Variants in MAGI3 observed in about 807,000 individuals in gnomAD.
MAGI3 encodes membrane-associated guanylate kinase, WW and PDZ domain-containing protein 3.
MAGI3 carries 43 observed loss-of-function variants against 121.8 expected under a neutral mutation model. That is an observed-to-expected ratio of 0.35 (90% CI 0.28 to 0.46). The LOEUF (loss-of-function observed/expected upper bound fraction) is 0.46, where lower values mean the gene tolerates loss of function less well. Among genes scored for constraint, MAGI3 ranks in the 20% least tolerant of loss-of-function variants. MAGI3 has a pLI of 1.00. For synonymous variants in MAGI3, 553 were observed against 639.3 expected (o/e 0.86, Z 2.04); for missense variants, 1,547 against 1,797.3 (o/e 0.86, Z 2.52).
chr1:113,493,966 T>C (rs1276176273), intron 1 of MAGI3, among the ~76,000 whole-genome samples: 2 of 152,202 alleles, frequency 1.3e-5, no homozygotes, highest in Non-Finnish European at 2.9e-5. Flanking sequence ...GATGTGGCAA[T>C]TCCTCAGAGA....
chr1:113,503,219 TAAAAAAAAAAA>T (rs869272201), intron 1 of MAGI3, among the ~76,000 whole-genome samples: 1 of 8,996 alleles, frequency 1.1e-4, no homozygotes, highest in Non-Finnish European at 1.6e-4. Context: ...AGAGTATAAT[TAAAAAAAAAAA>T]AAAAAAAAAA....
At chr1:113,623,644 C>T (rs889475675) in intron 9 of MAGI3, among the ~76,000 whole-genome samples, 2 of 151,946 alleles carry the variant, frequency 1.3e-5, no homozygotes, top group Non-Finnish European at 2.9e-5. Flanking sequence ...CCCGCCACCA[C>T]GCCTGGCTAA....
chr1:113,404,985 GTTTA>G (rs1034081013), intron 1 of MAGI3, among the ~76,000 whole-genome samples: 12 of 151,966 alleles, frequency 7.9e-5, no homozygotes, highest in Admixed American at 7.9e-4. Context: ...TTTTAATTTT[GTTTA>G]TTTATTTATG....
intron 1 of MAGI3, among the ~76,000 whole-genome samples, chr1:113,429,692 G>A (rs146369881): frequency 2.6e-5 from 4 of 152,322 alleles, no homozygotes; most frequent in East Asian, 3.9e-4. Flanking sequence ...GACTGGGCCC[G>A]TGACCAGTTT....
intron 1 of MAGI3, among the ~76,000 whole-genome samples, chr1:113,489,888 T>C (rs1214837298): frequency 6.6e-6 from 1 of 152,080 alleles, no homozygotes; most frequent in Non-Finnish European, 1.5e-5. Context: ...TATGGAATTA[T>C]GTAAAGAGAC....
intron 1 of MAGI3, among the ~76,000 whole-genome samples, chr1:113,423,795 G>A (rs940101567): frequency 2.0e-5 from 3 of 151,816 alleles, no homozygotes; most frequent in Non-Finnish European, 2.9e-5. Context: ...TCCCTTTCCC[G>A]CCTGGGAATC....
At chr1:113,503,647 C>A (rs1385449145) in intron 1 of MAGI3, among the ~76,000 whole-genome samples, 1 of 151,964 alleles carries the variant, frequency 6.6e-6, no homozygotes, top group Non-Finnish European at 1.5e-5. Flanking sequence ...TACTTGGCAT[C>A]AAGTTGATAT....
rs1653218503 is a variant in MAGI3 at position 113,429,964 on chromosome 1, CAG to C, written c.316+38616_316+38617del. Reference sequence around the variant, plus strand: ...CCTAACTAAACAACTGGTTCTGAAACAGTGGCCTTAGTGTTTCAGAAACACTA... The same window carrying C: ...CCTAACTAAACAACTGGTTCTGAAACTGGCCTTAGTGTTTCAGAAACACTA... On this transcript the variant is annotated intron_variant, in intron 1 of 20. Transcript: ENST00000307546. Among the ~76,000 whole-genome samples the C allele has an allele frequency of 7.9e-5, 12 of 152,210 alleles. No individual in the cohort carries two copies. The South Asian group carries it at 2.5e-3, about 32-fold the overall frequency.
chr1:113,426,433 A>C (rs1240179148), intron 1 of MAGI3, among the ~76,000 whole-genome samples: 3 of 152,286 alleles, frequency 2.0e-5, no homozygotes, highest in Admixed American at 2.0e-4. Context: ...TGCTGTTCAA[A>C]ATAACCTTGC....
At chr1:113,486,121 T>C (rs1402864436) in intron 1 of MAGI3, among the ~76,000 whole-genome samples, 1 of 152,228 alleles carries the variant, frequency 6.6e-6, no homozygotes, top group Non-Finnish European at 1.5e-5. Context: ...TTGTTCTTTT[T>C]GCTTAGTCTT....
At chr1:113,607,824 C>G (rs1477808809) in intron 6 of MAGI3, among the ~76,000 whole-genome samples, 1 of 152,120 alleles carries the variant, frequency 6.6e-6, no homozygotes, top group South Asian at 2.1e-4. Flanking sequence ...AGTCCAGACT[C>G]CTTGGTTAAG....
At chr1:113,492,050 G>T (rs1287774677) in intron 1 of MAGI3, among the ~76,000 whole-genome samples, 1 of 152,036 alleles carries the variant, frequency 6.6e-6, no homozygotes, top group African/African-American at 2.4e-5. Context: ...CCAAAACCTA[G>T]CAGAGACACA....
In MAGI3 at chr1:113,465,315, A is replaced by G. The variant is rs533917217; in HGVS notation, c.316+73966A>G. On this transcript the variant is annotated intron_variant, in intron 1 of 20. Transcript: ENST00000307546. ...TTTGTCGAAGATGAGTTGGCTGTAA[A>G]TGCTTGTATTTATATCTGTGTTCTT... 2.0e-5 allele frequency among the ~76,000 whole-genome samples: 3 copies of G among 151,808 alleles called. No individual in the cohort carries two copies. The East Asian group carries it at 5.8e-4, about 29-fold the overall frequency.
chr1:113,458,626 C>T (rs1004202920), intron 1 of MAGI3, among the ~76,000 whole-genome samples: 1 of 151,760 alleles, frequency 6.6e-6, no homozygotes, highest in Admixed American at 6.6e-5. Context: ...TCCTTCCACC[C>T]CAGGCTCCCA....
chr1:113,430,127 A>G (rs1653226051), intron 1 of MAGI3, among the ~76,000 whole-genome samples: 1 of 152,142 alleles, frequency 6.6e-6, no homozygotes, highest in Non-Finnish European at 1.5e-5. Flanking sequence ...ATAATATAGA[A>G]GTAAGGGGAA....
intron 19 of MAGI3, among the ~76,000 whole-genome samples, chr1:113,674,324 A>G: frequency 6.6e-6 from 1 of 150,610 alleles, no homozygotes; most frequent in East Asian, 2.0e-4. Context: ...CCTGGGAGGC[A>G]GAGGTCGGAG....
At chr1:113,651,307 ATC>A in intron 14 of MAGI3, 101 bp downstream of exon 14, 1 of 1,115,454 alleles carries the variant, frequency 9.0e-7, no homozygotes, top group East Asian at 2.6e-5. Flanking sequence ...ATTCAGTAGT[ATC>A]TAAGATAACC....
intron 1 of MAGI3, among the ~76,000 whole-genome samples, chr1:113,545,932 C>T (rs1659515662): frequency 6.6e-6 from 1 of 151,462 alleles, no homozygotes; most frequent in Admixed American, 6.6e-5. Flanking sequence ...GTGAACTATC[C>T]CTAAACAAAA....
intron 1 of MAGI3, among the ~76,000 whole-genome samples, chr1:113,487,703 A>G (rs950176997): frequency 6.6e-6 from 1 of 151,872 alleles, no homozygotes; most frequent in Non-Finnish European, 1.5e-5. Context: ...AAAAAGAAAA[A>G]TGTCATCTAT....
Sources: allele counts gnomAD v4.1 joint callset (sites outside exome capture counted in the v4.1 genomes callset), GRCh38; gene constraint gnomAD v4.1.1; transcripts MANE v1.5; gene names NCBI Gene and HGNC (gene_info 2026-07-23, HGNC 2026-07-21).